ROBO2: variants seen among roughly 807,000 people sequenced by gnomAD.
The protein encoded by ROBO2 is roundabout homolog 2.
Under a neutral mutation model 160.8 loss-of-function variants are expected in ROBO2, and 53 were observed. The observed-to-expected ratio is 0.33, with a 90% confidence interval of 0.26 to 0.41. The LOEUF is 0.41. ROBO2 is among the 10% of genes least tolerant of loss of function. The pLI is 1.00. For missense variants in ROBO2, 1,577 were observed against 1,722.4 expected, an observed-to-expected ratio of 0.92 and a Z score of 1.49; for synonymous variants, 664 against 611.7, an observed-to-expected ratio of 1.09 and a Z score of -1.26.
At chr3:77,293,652 A>AC (rs200969722) in intron 2 of ROBO2, among the ~76,000 whole-genome samples, 3 of 132,776 alleles carry the variant, frequency 2.3e-5, no homozygotes, top group African/African-American at 9.4e-5. Flanking sequence ...AGGCTAGATC[A>AC]CCCAGACATA....
chr3:76,119,342 TA>T (rs1462938094), intron 2 of ROBO2, among the ~76,000 whole-genome samples: 4 of 149,556 alleles, frequency 2.7e-5, no homozygotes, highest in African/African-American at 1.0e-4. Context: ...TCACTGTGAA[TA>T]ACTTTCGTAA....
At chr3:77,316,063 G>A (rs2063955725) in intron 2 of ROBO2, among the ~76,000 whole-genome samples, 1 of 152,184 alleles carries the variant, frequency 6.6e-6, no homozygotes, top group Non-Finnish European at 1.5e-5. Flanking sequence ...TAGATTCTGA[G>A]TGTTGTCACC....
intron 2 of ROBO2, among the ~76,000 whole-genome samples, chr3:77,226,471 G>C (rs1042965983): frequency 3.8e-4 from 57 of 151,946 alleles, no homozygotes; most frequent in African/African-American, 1.4e-3. Flanking sequence ...AGAGTTGCTG[G>C]TAGATTTTGG....
At chr3:76,172,365 GCA>G (rs1426819890) in intron 2 of ROBO2, among the ~76,000 whole-genome samples, 1 of 150,162 alleles carries the variant, frequency 6.7e-6, no homozygotes, top group Non-Finnish European at 1.5e-5. Context: ...CATCAACATG[GCA>G]CACATGTATA....
At chr3:77,413,880 A>AATGT (rs2076999161) in intron 2 of ROBO2, among the ~76,000 whole-genome samples, 1 of 152,166 alleles carries the variant, frequency 6.6e-6, no homozygotes, top group Admixed American at 6.5e-5. Flanking sequence ...ATGGAGCTGT[A>AATGT]ATGTAGGCAG....
intron 2 of ROBO2, among the ~76,000 whole-genome samples, chr3:76,945,014 G>T (rs1312396629): frequency 1.3e-5 from 2 of 151,728 alleles, no homozygotes; most frequent in Non-Finnish European, 2.9e-5. Context: ...TCAGCCTCCC[G>T]AGTAGCTGGG....
At chr3:77,017,724 A>G (rs1032711707) in intron 2 of ROBO2, among the ~76,000 whole-genome samples, 9 of 151,910 alleles carry the variant, frequency 5.9e-5, no homozygotes, top group Non-Finnish European at 1.0e-4. Context: ...TGCTGACTTC[A>G]CATAATTTTT....
intron 2 of ROBO2, among the ~76,000 whole-genome samples, chr3:77,405,389 G>A (rs915647459): frequency 6.6e-6 from 1 of 151,964 alleles, no homozygotes; most frequent in Non-Finnish European, 1.5e-5. Flanking sequence ...CATTACAGAT[G>A]TATTTGATTC....
chr3:76,423,108 A>G (rs1334127491), intron 2 of ROBO2, among the ~76,000 whole-genome samples: 1 of 152,166 alleles, frequency 6.6e-6, no homozygotes, highest in Non-Finnish European at 1.5e-5. Flanking sequence ...AGGTGAGTTT[A>G]TAGGTTTGAC....
At chr3:76,022,887 G>A (rs2066616195) in intron 2 of ROBO2, among the ~76,000 whole-genome samples, 1 of 151,738 alleles carries the variant, frequency 6.6e-6, no homozygotes, top group Non-Finnish European at 1.5e-5. Flanking sequence ...GAATGTCCTA[G>A]ACAGCATTTT....
chr3:77,036,303 C>CT (rs965533584), upstream of ROBO2, among the ~76,000 whole-genome samples: 44 of 151,932 alleles, frequency 2.9e-4, no homozygotes, highest in African/African-American at 9.7e-4. Flanking sequence ...CACTACATGG[C>CT]AGTATATGTT....
chr3:75,926,297 G>A (rs1482032042), intron 1 of ROBO2, among the ~76,000 whole-genome samples: 1 of 152,154 alleles, frequency 6.6e-6, no homozygotes, highest in Non-Finnish European at 1.5e-5. Context: ...TTGTTACAGA[G>A]GTGAGCTTGT....
intron 2 of ROBO2, among the ~76,000 whole-genome samples, chr3:76,852,988 T>G (rs2148552267): frequency 6.6e-6 from 1 of 152,248 alleles, no homozygotes; most frequent in South Asian, 2.1e-4. Context: ...AGATGATATC[T>G]TAGTGACTAA....
At position 76,205,285 on chromosome 3, in the gene ROBO2, T is replaced by A. The variant is rs192693241; in HGVS notation, c.109+267683T>A. 3.1e-4 allele frequency among the ~76,000 whole-genome samples: 47 copies of A among 152,282 alleles called. No individual in the cohort carries two copies. In the South Asian group the frequency reaches 7.9e-3, roughly 26 times the overall value. On this transcript the variant is annotated intron_variant, in intron 2 of 26. Coordinates refer to the ROBO2 transcript ENST00000487694. The stretch of plus-strand genomic sequence containing the variant: ...AACAGAAATGCTGCTGCTTCTTTTT[T>A]AATTTCAAATAAGAGGAGTAGATTT...
At chr3:76,973,649 T>C (rs1452654650) in intron 2 of ROBO2, among the ~76,000 whole-genome samples, 1 of 152,196 alleles carries the variant, frequency 6.6e-6, no homozygotes, top group African/African-American at 2.4e-5. Context: ...ATTAACTACA[T>C]ACACAAGAGA....
At chr3:77,145,784 AT>A (rs2077072495) in intron 2 of ROBO2, among the ~76,000 whole-genome samples, 1 of 152,248 alleles carries the variant, frequency 6.6e-6, no homozygotes, top group East Asian at 1.9e-4. Context: ...TAAAATTCTT[AT>A]TTTTTAATTA....
chr3:77,296,081 G>T (rs2062066487), intron 2 of ROBO2, among the ~76,000 whole-genome samples: 1 of 151,442 alleles, frequency 6.6e-6, no homozygotes, highest in African/African-American at 2.4e-5. Context: ...GATCACCCCA[G>T]ATATGAAGTA....
At chr3:77,218,780 C>T (rs928741030) in intron 2 of ROBO2, among the ~76,000 whole-genome samples, 1 of 152,154 alleles carries the variant, frequency 6.6e-6, no homozygotes, top group Non-Finnish European at 1.5e-5. Context: ...TTGTGACTGA[C>T]TAATGCGTCT....
chr3:76,046,053 G>T (rs59619273), intron 2 of ROBO2, among the ~76,000 whole-genome samples: 3 of 151,872 alleles, frequency 2.0e-5, no homozygotes, highest in Non-Finnish European at 4.4e-5. Context: ...TTTCAAGTCA[G>T]AAATTGAGTG....
Sources: gnomAD v4.1 joint callset for allele counts (sites outside exome capture counted in the v4.1 genomes callset) on GRCh38, gnomAD v4.1.1 for gene constraint, MANE v1.5 for transcripts, NCBI Gene and HGNC (gene_info 2026-07-23, HGNC 2026-07-21) for gene names.